The following ANK3 variants were observed in gnomAD, a reference collection of about 807,000 sequenced individuals.
The protein encoded by ANK3 is ankyrin 3.
Under a neutral mutation model 370.9 loss-of-function variants are expected in ANK3, and 57 were observed. The observed-to-expected ratio is 0.15, with a 90% CI of 0.12 to 0.19. ANK3 has a LOEUF of 0.19. Among genes scored for constraint, ANK3 ranks in the 10% least tolerant of loss-of-function variants. The pLI is 1.00. For synonymous variants in ANK3, 1,929 were observed against 1,946.3 expected, an observed-to-expected ratio of 0.99 and a Z score of 0.23; for missense variants, 4,439 against 5,302.1, an observed-to-expected ratio of 0.84 and a Z score of 5.06.
chr10:60,222,636 TA>T (rs2097080523), intron 8 of ANK3, among the ~76,000 whole-genome samples: 1 of 152,208 alleles, frequency 6.6e-6, no homozygotes, highest in Non-Finnish European at 1.5e-5. Context: ...CAGTCAAGTC[TA>T]AATTCTTCAA....
intron 2 of ANK3, among the ~76,000 whole-genome samples, chr10:60,543,052 G>A (rs545008901): frequency 3.9e-5 from 6 of 151,978 alleles, no homozygotes; most frequent in South Asian, 2.1e-4. Flanking sequence ...AAGGGATTGT[G>A]CTATCTATAT....
intron 1 of ANK3, among the ~76,000 whole-genome samples, chr10:60,634,517 T>C (rs184437011): frequency 6.6e-6 from 1 of 151,948 alleles, no homozygotes; most frequent in Non-Finnish European, 1.5e-5. Context: ...ACGGAACAAT[T>C]GGCACTCTGT....
upstream of ANK3, among the ~76,000 whole-genome samples, chr10:60,394,452 T>C (rs2063174436): frequency 6.6e-6 from 1 of 152,054 alleles, no homozygotes; most frequent in Non-Finnish European, 1.5e-5. Flanking sequence ...GTCTTAGCAC[T>C]TAGTCTGCCC....
intron 1 of ANK3, among the ~76,000 whole-genome samples, chr10:60,335,183 C>T (rs541633890): frequency 6.6e-6 from 1 of 152,204 alleles, no homozygotes; most frequent in East Asian, 1.9e-4. Flanking sequence ...GCAGTAGAGA[C>T]TCCTGGATGC....
intron 2 of ANK3, among the ~76,000 whole-genome samples, chr10:60,472,860 T>G (rs2065251712): frequency 6.6e-6 from 1 of 152,182 alleles, no homozygotes; most frequent in Admixed American, 6.5e-5. Context: ...TTATACAACA[T>G]TTGTAAAATC....
Position 60,203,020 on chromosome 10 carries a change from T to G in ANK3, c.1374A>C (p.Ser458=), listed in dbSNP as rs2096708955. The G allele has an allele frequency of 5.0e-6, 8 of 1,612,440 alleles. No homozygotes were observed. The highest frequency in any genetic ancestry group is 6.8e-6 in the Non-Finnish European group (8 of 1,178,888). ...TACTTACCACATTGGTGGTGTTTGGTGAGGCTCCATGATGCATTAGTTGTG... is the reference window on the plus strand; with the variant it reads ...TACTTACCACATTGGTGGTGTTTGGGGAGGCTCCATGATGCATTAGTTGTG... ...IVSQLMHHGA[S]PNTTNVRGET... Residue 458 remains serine (S), a synonymous_variant, in exon 12 of 44, where the codon TCA becomes TCC. Transcript: ENST00000280772.
chr10:60,289,809 C>T (rs184913056), intron 1 of ANK3, among the ~76,000 whole-genome samples: 3 of 152,212 alleles, frequency 2.0e-5, no homozygotes, highest in East Asian at 1.9e-4. Context: ...CCATCAGAAA[C>T]GGGACTTGAA....
At chr10:60,597,630 C>T (rs1319678151) in intron 2 of ANK3, among the ~76,000 whole-genome samples, 1 of 152,146 alleles carries the variant, frequency 6.6e-6, no homozygotes, top group African/African-American at 2.4e-5. Flanking sequence ...CTACACACCC[C>T]TGAAGAATCA....
At chr10:60,556,818 C>T (rs191391932) in intron 2 of ANK3, among the ~76,000 whole-genome samples, 1 of 152,176 alleles carries the variant, frequency 6.6e-6, no homozygotes, top group Admixed American at 6.5e-5. Context: ...TGGTCTGTGG[C>T]CTGTTAGGAA....
rs1476926239 is a variant in ANK3, at chr10:60,070,184, G to A, written c.10697C>T (p.Pro3566Leu). Residue 3566 changes from proline to leucine, a missense_variant, in exon 37 of 44, where the codon CCA (proline) becomes CTA (leucine). Pro to Leu is a moderately conservative substitution (Grantham distance 98, BLOSUM62 -3). This residue lies in a region of ANK3 where 1,601 missense variants were observed against 1,731.7 expected (regional missense o/e 0.92). Transcript: ENST00000280772. The surrounding 1 kb of genome is among the most constrained non-coding windows in gnomAD (Gnocchi z 5.7). ...GCGGTCTTCTACCGCCAGCCCAAATGGCTTAGTTTCATCTTCCCGTGATTT... is the reference window on the plus strand; with the variant it reads ...GCGGTCTTCTACCGCCAGCCCAAATAGCTTAGTTTCATCTTCCCGTGATTT... The part of the protein sequence containing the change: ...DSKSREDETK[P>L]FGLAVEDRSP... 1.9e-6 allele frequency: 3 copies of A among 1,614,018 alleles called. No individual in the cohort carries two copies. The highest frequency in any genetic ancestry group is 1.3e-5 in the African/African-American group (1 of 74,922).
intron 7 of ANK3, among the ~76,000 whole-genome samples, chr10:60,251,440 G>C (rs903603612): frequency 1.3e-5 from 2 of 152,132 alleles, no homozygotes; most frequent in Non-Finnish European, 2.9e-5. Flanking sequence ...CTGGCCTTTC[G>C]GTTGGGACAC....
chr10:60,046,891 C>T (rs2131881187), intron 42 of ANK3, among the ~76,000 whole-genome samples: 1 of 150,848 alleles, frequency 6.6e-6, no homozygotes, highest in African/African-American at 2.4e-5. Context: ...ACTGCAAGCT[C>T]CGCCTCCCGG....
intron 11 of ANK3, 66 bp from the exon 12 acceptor site, chr10:60,203,166 G>A (rs1565653059): frequency 3.6e-6 from 4 of 1,097,842 alleles, no homozygotes; most frequent in South Asian, 1.4e-5. Flanking sequence ...CTGTGAGCCT[G>A]CCTGCCTGTC....
rs888644274 is a variant in ANK3, at chr10:60,034,873, T to C, written c.*20-5047A>G. Reference sequence around the variant, plus strand: ...TTTTCTAAACATTAATTTTAATTACTTTATGTAACTAAAATACACTACAGT... The same window carrying C: ...TTTTCTAAACATTAATTTTAATTACCTTATGTAACTAAAATACACTACAGT... On this transcript the variant is annotated intron_variant, in intron 43 of 43. Coordinates refer to ENST00000280772, the MANE Select transcript of ANK3 (RefSeq NM_020987.5). Among the ~76,000 whole-genome samples, 4 of 152,204 alleles carry C rather than the reference T, an allele frequency of 2.6e-5. No homozygotes were observed. In the South Asian group the frequency reaches 6.2e-4, roughly 24 times the overall value.
At chr10:60,201,248 A>G (rs562713830) in intron 12 of ANK3, among the ~76,000 whole-genome samples, 1 of 152,250 alleles carries the variant, frequency 6.6e-6, no homozygotes, top group South Asian at 2.1e-4. Context: ...ACTAGGAAAG[A>G]CTGTATTTCA....
chr10:60,574,745 T>C (rs2077662381), intron 2 of ANK3, among the ~76,000 whole-genome samples: 1 of 152,164 alleles, frequency 6.6e-6, no homozygotes, highest in South Asian at 2.1e-4. Context: ...ATACAAATTC[T>C]TCATAAGCTG....
chr10:60,492,048 A>G (rs1189636395), intron 2 of ANK3, among the ~76,000 whole-genome samples: 1 of 152,176 alleles, frequency 6.6e-6, no homozygotes, highest in Non-Finnish European at 1.5e-5. Context: ...TTGCACTAAT[A>G]CCTACCATTG....
chr10:60,733,460 C>A (rs114221106), exon 1 of ANK3: 1 of 731,032 alleles, frequency 1.4e-6, no homozygotes, highest in Non-Finnish European at 1.9e-6. Context: ...CCGCGACGCC[C>A]GCCCAGCGCG....
At chr10:60,282,536 T>C (rs1398791449) in intron 1 of ANK3, among the ~76,000 whole-genome samples, 1 of 152,104 alleles carries the variant, frequency 6.6e-6, no homozygotes, top group African/African-American at 2.4e-5. Flanking sequence ...AATCTACATC[T>C]GCATACACAA....
Sources: gnomAD v4.1 joint callset for allele counts (sites outside exome capture counted in the v4.1 genomes callset) on GRCh38, gnomAD v4.1.1 for gene constraint, gnomAD v4.1.1 regional missense constraint, Gnocchi (gnomAD v3.1) non-coding constraint, MANE v1.5 for transcripts, NCBI Gene and HGNC (gene_info 2026-07-23, HGNC 2026-07-21) for gene names.